The following DBR1 variants were observed in gnomAD, a reference collection of about 807,000 sequenced individuals.
The protein encoded by DBR1 is debranching RNA lariats 1, also known as lariat debranching enzyme.
A neutral mutation model predicts 45.9 loss-of-function variants in DBR1; 33 were observed. That is an observed-to-expected ratio of 0.72 (90% confidence interval 0.55 to 0.96). DBR1 has a LOEUF of 0.96. Among genes scored for constraint, DBR1 ranks in the 40% least tolerant of loss-of-function variants. DBR1 has a pLI of 0.00. For missense variants in DBR1, 619 were observed against 667.4 expected, an observed-to-expected ratio of 0.93 and a Z score of 0.80; for synonymous variants, 235 against 235.9, an observed-to-expected ratio of 1.00 and a Z score of 0.04.
chr3:138,169,380 C>T (rs2042944687), intron 4 of DBR1, among the ~76,000 whole-genome samples: 1 of 152,160 alleles, frequency 6.6e-6, no homozygotes, highest in African/African-American at 2.4e-5. Flanking sequence ...TGCAATTAAG[C>T]AGTGTTTCCA....
intron 7 of DBR1, among the ~76,000 whole-genome samples, 168 bp downstream of exon 7, chr3:138,163,181 G>A (rs2042915571): frequency 1.3e-5 from 2 of 152,152 alleles, no homozygotes; most frequent in African/African-American, 4.8e-5. Context: ...GATCCCTTTA[G>A]CCCAGGAGGC....
chr3:138,174,470 A>T, intron 1 of DBR1, 129 bp downstream of exon 1: 1 of 960,032 alleles, frequency 1.0e-6, no homozygotes, highest in Non-Finnish European at 1.6e-6. Flanking sequence ...TCACCCCTGT[A>T]TTCAGTTAGG....
chr3:138,162,752 T>C (rs1363302768), intron 7 of DBR1, among the ~76,000 whole-genome samples, 170 bp from the exon 8 acceptor site: 1 of 152,162 alleles, frequency 6.6e-6, no homozygotes, highest in Non-Finnish European at 1.5e-5. Context: ...AAAAAAATAA[T>C]TCTTAGAAAA....
intron 1 of DBR1, among the ~76,000 whole-genome samples, chr3:138,174,101 C>T (rs2042967645): frequency 6.6e-6 from 1 of 151,762 alleles, no homozygotes; most frequent in Non-Finnish European, 1.5e-5. Flanking sequence ...CACCTTGAGC[C>T]TCAAGTCAGT....
At chr3:138,172,594 C>T (rs981203513) in intron 2 of DBR1, among the ~76,000 whole-genome samples, 2 of 151,762 alleles carry the variant, frequency 1.3e-5, no homozygotes, top group Admixed American at 6.6e-5. Flanking sequence ...GACCTTGTCT[C>T]GAAAAATAAA....
At chr3:138,172,390 C>T (rs1466693258) in intron 2 of DBR1, among the ~76,000 whole-genome samples, 1 of 152,088 alleles carries the variant, frequency 6.6e-6, no homozygotes, top group African/African-American at 2.4e-5. Context: ...TCGAGACCAG[C>T]CTGGACAACA....
chr3:138,163,652 AC>A, intron 6 of DBR1, 125 bp downstream of exon 6: 1 of 713,428 alleles, frequency 1.4e-6, no homozygotes, highest in East Asian at 3.4e-5. Context: ...TAAGTAAGAT[AC>A]CCCCAAAGAA....
At chr3:138,168,474 C>T (rs1448186991) in intron 4 of DBR1, among the ~76,000 whole-genome samples, 1 of 149,956 alleles carries the variant, frequency 6.7e-6, no homozygotes, top group South Asian at 2.1e-4. Flanking sequence ...GAGCCAAGAT[C>T]GCACTGTTGC....
At chr3:138,169,096 C>T (rs1442654030) in intron 4 of DBR1, among the ~76,000 whole-genome samples, 1 of 152,202 alleles carries the variant, frequency 6.6e-6, no homozygotes, top group East Asian at 1.9e-4. Context: ...AAAAGAAACA[C>T]TTGCAAGAAT....
At chr3:138,174,149 T>C (rs907522457) in intron 1 of DBR1, among the ~76,000 whole-genome samples, 11 of 152,024 alleles carry the variant, frequency 7.2e-5, no homozygotes, top group African/African-American at 2.7e-4. Context: ...TCGAGTTCAT[T>C]GCCATAACCT....
intron 5 of DBR1, among the ~76,000 whole-genome samples, chr3:138,165,865 T>G (rs2042928419): frequency 6.6e-6 from 1 of 152,040 alleles, no homozygotes; most frequent in Admixed American, 6.5e-5. Context: ...GAGGAGACAA[T>G]TACAAAGAGG....
Position 138,174,858 on chromosome 3 carries a change from G to T in DBR1, c.-63C>A, listed in dbSNP as rs958643808. 10 of 1,513,498 alleles carry T rather than the reference G, an allele frequency of 6.6e-6. No homozygotes were observed. Among genetic ancestry groups the T allele is most frequent in the Admixed American group, 4.0e-5 (2 of 49,960 alleles). The allele number at this position is 1,513,498 out of a possible 1,614,324, so 93.8% of individuals were successfully genotyped here. ...CCTACACCACAGCCAGCCCAGGACC[G>T]ACTGATCGCTCAGCTCCCGCCAACT... On this transcript the variant is annotated 5_prime_UTR_variant, in exon 1 of 8. Coordinates refer to ENST00000260803, the MANE Select transcript of DBR1 (RefSeq NM_016216.4).
At chr3:138,170,737 T>A (rs1205988510) in intron 3 of DBR1, among the ~76,000 whole-genome samples, 1 of 152,264 alleles carries the variant, frequency 6.6e-6, no homozygotes, top group Non-Finnish European at 1.5e-5. Flanking sequence ...GTCAATGTAA[T>A]TCATGAAATT....
chr3:138,165,155 T>A (rs1559882739), intron 5 of DBR1, among the ~76,000 whole-genome samples: 1 of 152,112 alleles, frequency 6.6e-6, no homozygotes, highest in Non-Finnish European at 1.5e-5. Context: ...AGCTTCATCA[T>A]GGAGGAAAAA....
At chr3:138,162,890 G>A (rs573510888) in intron 7 of DBR1, among the ~76,000 whole-genome samples, 65 of 152,276 alleles carry the variant, frequency 4.3e-4, no homozygotes, top group African/African-American at 1.4e-3. Flanking sequence ...CCATTTTCCT[G>A]TCTCTTTTAG....
intron 1 of DBR1, 148 bp from the exon 2 acceptor site, chr3:138,173,774 CTCCTGTAA>C: frequency 1.2e-6 from 1 of 803,858 alleles, no homozygotes; most frequent in Non-Finnish European, 1.9e-6. Flanking sequence ...CGGTGGCTCC[CTCCTGTAA>C]TCCCAGCACT....
At chr3:138,165,443 G>A (rs2042925645) in intron 5 of DBR1, among the ~76,000 whole-genome samples, 1 of 152,090 alleles carries the variant, frequency 6.6e-6, no homozygotes, top group African/African-American at 2.4e-5. Context: ...AAAAATGGAA[G>A]GCATGGCCAG....
rs1235361132 is a variant in DBR1 at position 138,170,146 on chromosome 3, T to C, written c.450A>G (p.Ile150Met). 4 of 1,601,194 alleles carry C rather than the reference T, an allele frequency of 2.5e-6. No individual in the cohort carries two copies. Among genetic ancestry groups the C allele is most frequent in the African/African-American group, 1.3e-5 (1 of 74,514 alleles). Residue 150 changes from isoleucine to methionine, a missense_variant, in exon 4 of 8, where the codon ATA becomes ATG. Coordinates refer to ENST00000260803, the MANE Select transcript of DBR1 (RefSeq NM_016216.4). ...PPYNSSTIRS[I>M]YHVRNIEVYK... ...AGACTTCAATATTTCTCACATGATA[T>C]ATACTCCTGATTGTAGATGAATTAT...
chr3:138,172,276 G>T (rs117565892), intron 2 of DBR1, among the ~76,000 whole-genome samples: 1 of 152,216 alleles, frequency 6.6e-6, no homozygotes, highest in East Asian at 1.9e-4. Flanking sequence ...GTTCTAGAAA[G>T]AATATACATT....
Sources: allele counts gnomAD v4.1 joint callset (sites outside exome capture counted in the v4.1 genomes callset), GRCh38; gene constraint gnomAD v4.1.1; transcripts MANE v1.5; gene names NCBI Gene and HGNC (gene_info 2026-07-23, HGNC 2026-07-21).